PKD1: variants seen among roughly 807,000 people sequenced by gnomAD.
The protein encoded by PKD1 is polycystin 1, transient receptor potential channel interacting.
In PKD1, 81 loss-of-function variants were observed where a neutral mutation model predicts 361.7. That is an observed-to-expected ratio of 0.22 (90% confidence interval 0.19 to 0.27). PKD1 has a LOEUF of 0.27. PKD1 is among the 10% of genes least tolerant of loss of function. PKD1 has a pLI of 1.00. For synonymous variants in PKD1, 3,615 were observed against 2,818.3 expected, an observed-to-expected ratio of 1.28 and a Z score of -8.95; for missense variants, 6,399 against 6,118.3, an observed-to-expected ratio of 1.05 and a Z score of -1.53.
At chr16:2,123,995 A>G (rs1403388844) in intron 1 of PKD1, among the ~76,000 whole-genome samples, 2 of 152,208 alleles carry the variant, frequency 1.3e-5, no homozygotes, top group Admixed American at 6.5e-5. Flanking sequence ...GGGAGGAGTT[A>G]GGACCATCCT....
intron 1 of PKD1, among the ~76,000 whole-genome samples, chr16:2,132,344 C>G (rs894218512): frequency 6.6e-6 from 1 of 151,396 alleles, no homozygotes; most frequent in Non-Finnish European, 1.5e-5. Flanking sequence ...CCGAGGTGGG[C>G]AGATCACGAG....
rs1235840818 is a variant in PKD1, at chr16:2,111,324, G to A, written c.3843C>T (p.Gly1281=). 1 of 1,608,598 alleles carries A rather than the reference G, an allele frequency of 6.2e-7. No homozygotes were observed. The highest frequency in any genetic ancestry group is 1.7e-5 in the Admixed American group (1 of 59,918). ...GCACGTGCAGGCTCCGGGCCAGGTGGCCGGCGGGGCTGGCCGCACCCACGG... is the reference window on the plus strand; with the variant it reads ...GCACGTGCAGGCTCCGGGCCAGGTGACCGGCGGGGCTGGCCGCACCCACGG... ...TVTVGAASPA[G]HLARSLHVLV... The change falls in exon 15 of 46, where the codon GGC becomes GGT. Residue 1281 remains glycine, a synonymous_variant. Transcript: ENST00000262304.
chr16:2,121,781 C>G (rs927718634), intron 1 of PKD1, among the ~76,000 whole-genome samples: 1 of 152,222 alleles, frequency 6.6e-6, no homozygotes, highest in African/African-American at 2.4e-5. Context: ...CACACCACCC[C>G]CCTGCTCCCC....
At position 2,106,233 on chromosome 16, in the gene PKD1, G is replaced by A. The variant is rs377749451; in HGVS notation, c.7561C>T (p.His2521Tyr). Residue 2521 changes from histidine to tyrosine, a missense_variant, in exon 19 of 46, where the codon CAC becomes TAC. Physicochemically the swap from His to Tyr is moderately conservative, Grantham distance 83 (BLOSUM62 2). Coordinates refer to ENST00000262304, the MANE Select transcript of PKD1 (RefSeq NM_001009944.3). This position sits in a 1 kb window ranked among gnomAD's most constrained non-coding sequence, Gnocchi z 6.5. The stretch of plus-strand genomic sequence containing the variant: ...TTGTAGACACAGAACTCCTCGCAGT[G>A]GCCCTGGCGACAGCGCCGCAGCAGC... ...ALLLRRCRQG[H>Y]CEEFCVYKGS... 29 of 1,610,258 alleles carry A rather than the reference G, an allele frequency of 1.8e-5. No homozygotes were observed. The highest frequency in any genetic ancestry group is 2.2e-5 in the East Asian group (1 of 44,870).
Position 2,090,197 on chromosome 16 carries a change from G to T in PKD1, c.12445-3C>A. 1 of 1,605,524 alleles carries T rather than the reference G, an allele frequency of 6.2e-7. No individual in the cohort carries two copies. Among genetic ancestry groups the T allele is most frequent in the Non-Finnish European group, 8.5e-7 (1 of 1,176,110 alleles). The stretch of plus-strand genomic sequence containing the variant: ...TCAAAGCGGACTTTGTGGCGGAACT[G>T]GGGGCGGCACAGGGGCTCAGTCAGT... On this transcript the variant is annotated splice_polypyrimidine_tract_variant and splice_region_variant and intron_variant, in intron 45 of 45. Transcript: ENST00000262304.
chr16:2,089,444 T>C lies in PKD1; in HGVS notation c.*283A>G, dbSNP rs559158862. On this transcript the variant is annotated 3_prime_UTR_variant, in exon 46 of 46. Transcript: ENST00000262304. ...GGGGGTGGGGCCGGGCACAGCCCGCTGTACCTGAGGACTCGGGGAAATAAA... is the reference window on the plus strand; with the variant it reads ...GGGGGTGGGGCCGGGCACAGCCCGCCGTACCTGAGGACTCGGGGAAATAAA... The C allele has an allele frequency of 1.4e-5, 7 of 514,036 alleles. No individual in the cohort carries two copies. In the East Asian group the frequency reaches 2.3e-4, roughly 17 times the overall value. The allele number at this position is 514,036 out of a possible 1,614,324, so 31.8% of individuals were successfully genotyped here.
chr16:2,097,104 C>T (rs1008279996), intron 34 of PKD1, 44 bp downstream of exon 34: 1 of 1,456,314 alleles, frequency 6.9e-7, no homozygotes, highest in Admixed American at 2.0e-5. Flanking sequence ...GAGTCCCGGC[C>T]CCTCCTCTGG....
Position 2,111,766 on chromosome 16 carries a change from C to G in PKD1, c.3401G>C (p.Ser1134Thr), listed in dbSNP as rs962481863. 2 of 1,606,594 alleles carry G rather than the reference C, an allele frequency of 1.2e-6. No homozygotes were observed. Among genetic ancestry groups the G allele is most frequent in the South Asian group, 2.2e-5 (2 of 90,412 alleles). ...ASLPSVAVGV[S>T]DGVLVAGRPV... is the part of the protein sequence containing the mutation. ...CCGGCCGGCCACCAGGACGCCGTCA[C>G]TCACACCCACAGCCACGGAGGGCAG... Residue 1134 changes from serine to threonine, a missense_variant, in exon 15 of 46, where the codon AGT (serine) becomes ACT (threonine). By Grantham distance (58) the Ser-to-Thr change is moderately conservative (BLOSUM62 1). Transcript: ENST00000262304.
intron 1 of PKD1, among the ~76,000 whole-genome samples, chr16:2,132,421 A>G (rs2092895681): frequency 6.6e-6 from 1 of 151,236 alleles, no homozygotes; most frequent in African/African-American, 2.4e-5. Context: ...TACAAAAATT[A>G]GCTGGGCACG....
Position 2,104,520 on chromosome 16 carries a change from T to C in PKD1, c.8139A>G (p.Gly2713=). Residue 2713 remains glycine (G), a synonymous_variant, in exon 22 of 46, where the codon GGA becomes GGG. Coordinates refer to ENST00000262304, the MANE Select transcript of PKD1 (RefSeq NM_001009944.3). ...TAGTVTPTAI[G]DSILNITGDL... ...CACCTGTGATGTTGAGGATGCTGTC[T>C]CCGATGGCGGTGGGCGTCACGGTGC... 3 of 1,552,922 alleles carry C rather than the reference T, an allele frequency of 1.9e-6. No individual in the cohort carries two copies. The highest frequency in any genetic ancestry group is 2.3e-5 in the East Asian group (1 of 42,816).
chr16:2,135,096 T>G (rs931967288), intron 1 of PKD1: 3 of 978,126 alleles, frequency 3.1e-6, no homozygotes, highest in Admixed American at 1.2e-4. Context: ...AGACACCTCC[T>G]GGAACTCTTC....
In PKD1 at chr16:2,106,841, G is replaced by A. The variant is rs1286755960; in HGVS notation, c.7173C>T (p.Gly2391=). ...VSRSSYVYLE[G]RCLNCSSGSK... Reference sequence around the variant, plus strand: ...AGCCGCTGCTGCAATTGAGGCAGCGGCCCTCCAAGTACACGTAGGAGCTGC... The same window carrying A: ...AGCCGCTGCTGCAATTGAGGCAGCGACCCTCCAAGTACACGTAGGAGCTGC... Residue 2391 remains glycine, a synonymous_variant, in exon 17 of 46, where the codon GGC becomes GGT. Coordinates refer to ENST00000262304, the MANE Select transcript of PKD1 (RefSeq NM_001009944.3). This position sits in a 1 kb window ranked among gnomAD's most constrained non-coding sequence, Gnocchi z 6.5. 6.4e-7 allele frequency: 1 copy of A among 1,552,146 alleles called. No individual in the cohort carries two copies. The highest frequency in any genetic ancestry group is 1.7e-5 in the Admixed American group (1 of 59,774).
In PKD1 at chr16:2,103,598, C is replaced by G; in HGVS notation, c.8459G>C (p.Ser2820Thr). ...EAFSGALANL[S>T]DVVQLIFLVD... The stretch of plus-strand genomic sequence containing the variant: ...CAGAAAGATGAGCTGCACCACGTCA[C>G]TGAGGTTGGCCAGGGCCCCGCTGAA... Residue 2820 changes from serine (S) to threonine (T), a missense_variant, in exon 23 of 46, where the codon AGT becomes ACT. By Grantham distance (58) the Ser-to-Thr change is moderately conservative. Coordinates refer to ENST00000262304, the MANE Select transcript of PKD1 (RefSeq NM_001009944.3). 1 of 1,610,426 alleles carries G rather than the reference C, an allele frequency of 6.2e-7. No individual in the cohort carries two copies. The highest frequency in any genetic ancestry group is 8.5e-7 in the Non-Finnish European group (1 of 1,179,726).
At position 2,109,716 on chromosome 16, in the gene PKD1, C is replaced by T. The variant is rs776588689; in HGVS notation, c.5451G>A (p.Val1817=). Reference sequence around the variant, plus strand: ...AAAAGGGCACAGAGGACCCGGCCGCCACGAAGCTGCCTCCGGGCTCGCTGG... The same window carrying T: ...AAAAGGGCACAGAGGACCCGGCCGCTACGAAGCTGCCTCCGGGCTCGCTGG... ...IRASEPGGSF[V]AAGSSVPFWG... Residue 1817 remains valine, a synonymous_variant, in exon 15 of 46, where the codon GTG becomes GTA. Transcript: ENST00000262304. The T allele has an allele frequency of 1.9e-6, 3 of 1,604,144 alleles. No individual in the cohort carries two copies. The East Asian group carries it at 6.7e-5, about 36-fold the overall frequency.
chr16:2,097,013 G>A (rs142937317), intron 34 of PKD1, 135 bp downstream of exon 34: 5 of 677,526 alleles, frequency 7.4e-6, no homozygotes, highest in South Asian at 6.8e-5. Context: ...GAGGTTCAGA[G>A]AAGTGAAGTG....
chr16:2,092,470 G>C lies in PKD1; in HGVS notation c.11269+10C>G. 1 of 1,565,054 alleles carries C rather than the reference G, an allele frequency of 6.4e-7. No homozygotes were observed. The highest frequency in any genetic ancestry group is 2.2e-5 in the East Asian group (1 of 44,646). ...CGATTTAAGTCTTGGGGCACGCCCT[G>C]CCAGCTCACCTTCCTGCAGCCGCAC... On this transcript the variant is annotated intron_variant, in intron 39 of 45. Coordinates refer to ENST00000262304, the MANE Select transcript of PKD1 (RefSeq NM_001009944.3).
At chr16:2,115,051 A>G (rs1157921703) in intron 10 of PKD1, 126 bp from the exon 11 acceptor site, 3 of 1,499,660 alleles carry the variant, frequency 2.0e-6, no homozygotes, top group African/African-American at 2.8e-5. Context: ...GAGCCTCCCC[A>G]CAGTGCTCGT....
chr16:2,089,503 T>C lies in PKD1; in HGVS notation c.*224A>G, dbSNP rs2091352390. The C allele has an allele frequency of 3.3e-6, 2 of 600,192 alleles. No homozygotes were observed. The highest frequency in any genetic ancestry group is 2.9e-5 in the Admixed American group (1 of 34,710). The allele number at this position is 600,192 out of a possible 1,614,324, so 37.2% of individuals were successfully genotyped here. ...TCAGAGGCTAGAAACCGTCCAATAC[T>C]GCTGTGTCCTTCCCAAGGGAGCTGG... On this transcript the variant is annotated 3_prime_UTR_variant, in exon 46 of 46. Transcript: ENST00000262304.
chr16:2,105,608 A>G, intron 20 of PKD1, 134 bp from the exon 21 acceptor site: 3 of 1,576,952 alleles, frequency 1.9e-6, no homozygotes, highest in Non-Finnish European at 2.6e-6. Flanking sequence ...CACAACACTG[A>G]GCTGTTTCTT....
Sources: allele counts gnomAD v4.1 joint callset (sites outside exome capture counted in the v4.1 genomes callset), GRCh38; gene constraint gnomAD v4.1.1; non-coding constraint Gnocchi (gnomAD v3.1); transcripts MANE v1.5; gene names NCBI Gene and HGNC (gene_info 2026-07-23, HGNC 2026-07-21).